Variants in TNXB observed in about 807,000 individuals in gnomAD.
The protein encoded by TNXB is tenascin-X.
A neutral mutation model predicts 340.5 loss-of-function variants in TNXB; 183 were observed. The ratio of observed to expected loss-of-function variants is 0.54; its 90% CI spans 0.48 to 0.61. TNXB has a LOEUF of 0.61. TNXB is among the 20% of genes least tolerant of loss of function. The probability of loss-of-function intolerance (pLI) is 0.00; values close to 1 mark genes in which losing one functional copy is unlikely to be tolerated. For synonymous variants in TNXB, 2,121 were observed against 2,314.5 expected (o/e 0.92, Z 2.40); for missense variants, 4,613 against 5,446.4 (o/e 0.85, Z 4.82).
At position 32,087,935 on chromosome 6, in the gene TNXB, G is replaced by A. The variant is rs1779890224; in HGVS notation, c.2779+850C>T. 1 of 309,724 alleles carries A rather than the reference G, an allele frequency of 3.2e-6. No individual in the cohort carries two copies. Among genetic ancestry groups the A allele is most frequent in the Admixed American group, 4.8e-5 (1 of 20,842 alleles). The allele number at this position is 309,724 out of a possible 1,614,324, so 19.2% of individuals were successfully genotyped here. A position where few individuals can be genotyped will look rare whatever the true frequency, so the allele number is the denominator to read the frequency against. ...CGCGGGGCTGGGGCTGGCCGGGGCC[G>A]GGACTTGGGGGGCGGGGCTGGGGGG... is the stretch of plus-strand genomic sequence containing the variant. On this transcript the variant is annotated intron_variant, in intron 6 of 43. Coordinates refer to ENST00000644971, the MANE Select transcript of TNXB (RefSeq NM_001365276.2). This position sits in a 1 kb window ranked among gnomAD's most constrained non-coding sequence, Gnocchi z 9.0.
chr6:32,084,778 C>T lies in TNXB; in HGVS notation c.3149-69G>A. On this transcript the variant is annotated intron_variant, in intron 7 of 43. Transcript: ENST00000644971. The surrounding 1 kb of genome is among the most constrained non-coding windows in gnomAD (Gnocchi z 5.5). ...TTCTCTTGTCTGTGTCTCCTTCCCT[C>T]TCCCCTGCCCACCTCACTCCATCCT... is the stretch of plus-strand genomic sequence containing the variant. 7.2e-7 allele frequency: 1 copy of T among 1,389,030 alleles called. No individual in the cohort carries two copies. The allele number at this position is 1,389,030 out of a possible 1,614,324, so 86.0% of individuals were successfully genotyped here.
In TNXB at chr6:32,056,579, C is replaced by A. The variant is rs1480784066; in HGVS notation, c.8143+7G>T. On this transcript the variant is annotated splice_region_variant and intron_variant, in intron 23 of 43. Coordinates refer to ENST00000644971, the MANE Select transcript of TNXB (RefSeq NM_001365276.2). ...CTCCCACCCTGGGGCTGCCATCATC[C>A]ACTCACCCGTCACCCCAATGACAGA... 3.1e-6 allele frequency: 5 copies of A among 1,612,386 alleles called. No individual in the cohort carries two copies. In the African/African-American group the frequency reaches 5.3e-5, roughly 17 times the overall value.
In TNXB at chr6:32,079,024, C is replaced by G; in HGVS notation, c.4375+9G>C. Reference sequence around the variant, plus strand: ...AGGGAACCAAAGCAGGCCCCTGCCCCTCACTCACCTGTCACGCCCACGGCG... The same window carrying G: ...AGGGAACCAAAGCAGGCCCCTGCCCGTCACTCACCTGTCACGCCCACGGCG... On this transcript the variant is annotated intron_variant, in intron 11 of 43. Transcript: ENST00000644971. This position sits in a 1 kb window ranked among gnomAD's most constrained non-coding sequence, Gnocchi z 7.1. The G allele has an allele frequency of 6.2e-7, 1 of 1,609,040 alleles. No individual in the cohort carries two copies. The highest frequency in any genetic ancestry group is 8.5e-7 in the Non-Finnish European group (1 of 1,178,000).
chr6:32,060,847 T>C (rs2151906407), intron 21 of TNXB, among the ~76,000 whole-genome samples: 1 of 152,022 alleles, frequency 6.6e-6, no homozygotes, highest in Non-Finnish European at 1.5e-5. Context: ...CCATGTTGGC[T>C]AGACTGGTCT....
In TNXB at chr6:32,061,255, T is replaced by TA; in HGVS notation, c.7492+141dup. Reference sequence around the variant, plus strand: ...AAAGTGAACAAGCAAACCGCTAGCATAGGCCACAGCCACAGGGCACAGAGG... The same window carrying TA: ...AAAGTGAACAAGCAAACCGCTAGCATAAGGCCACAGCCACAGGGCACAGAGG... On this transcript the variant is annotated intron_variant, in intron 21 of 43. Coordinates refer to ENST00000644971, the MANE Select transcript of TNXB (RefSeq NM_001365276.2). The surrounding 1 kb of genome is among the most constrained non-coding windows in gnomAD (Gnocchi z 4.4). 3 of 1,311,296 alleles carry TA rather than the reference T, an allele frequency of 2.3e-6. No individual in the cohort carries two copies. The highest frequency in any genetic ancestry group is 3.1e-6 in the Non-Finnish European group (3 of 965,652). The allele number at this position is 1,311,296 out of a possible 1,614,324, so 81.2% of individuals were successfully genotyped here.
At position 32,061,654 on chromosome 6, in the gene TNXB, G is replaced by C. The variant is rs12524664; in HGVS notation, c.7235C>G (p.Pro2412Arg). Residue 2412 changes from proline to arginine, a missense_variant, in exon 21 of 44, where the codon CCG (proline) becomes CGG (arginine). Physicochemically the swap from Pro to Arg is moderately radical, Grantham distance 103. Around this residue, in one of 7 missense-constraint regions of TNXB, gnomAD observed 4,327 missense variants for 4,859.4 expected, o/e 0.89. Coordinates refer to ENST00000644971, the MANE Select transcript of TNXB (RefSeq NM_001365276.2). This position sits in a 1 kb window ranked among gnomAD's most constrained non-coding sequence, Gnocchi z 4.4. ...TGTCACTGTTAGCTCCCCCAGGAGC[G>C]GCTCCTCAGGGGGCTCCGGGGCCTC... is the stretch of plus-strand genomic sequence containing the variant. ...SMEAPEPPEE[P>R]LLGELTVTGS... 1 of 1,612,584 alleles carries C rather than the reference G, an allele frequency of 6.2e-7. No homozygotes were observed. The highest frequency in any genetic ancestry group is 8.5e-7 in the Non-Finnish European group (1 of 1,179,826).
chr6:32,081,808 C>A lies in TNXB; in HGVS notation c.3737-135G>T. On this transcript the variant is annotated intron_variant, in intron 9 of 43. Transcript: ENST00000644971. This position sits in a 1 kb window ranked among gnomAD's most constrained non-coding sequence, Gnocchi z 5.1. Reference sequence around the variant, plus strand: ...ATTCGAGTGCTAAACTTCTGGGAAGCCTGACACAGCCAGGGTATGACACAC... The same window carrying A: ...ATTCGAGTGCTAAACTTCTGGGAAGACTGACACAGCCAGGGTATGACACAC... 1 of 698,462 alleles carries A rather than the reference C, an allele frequency of 1.4e-6. No individual in the cohort carries two copies. Among genetic ancestry groups the A allele is most frequent in the South Asian group, 1.9e-5 (1 of 51,668 alleles). The allele number at this position is 698,462 out of a possible 1,614,324, so 43.3% of individuals were successfully genotyped here. A position where few individuals can be genotyped will look rare whatever the true frequency, so the allele number is the denominator to read the frequency against.
Position 32,046,430 on chromosome 6 carries a change from G to A in TNXB, c.10351C>T (p.His3451Tyr). 1 of 1,576,474 alleles carries A rather than the reference G, an allele frequency of 6.3e-7. No individual in the cohort carries two copies. The highest frequency in any genetic ancestry group is 1.1e-5 in the South Asian group (1 of 88,480). Reference sequence around the variant, plus strand: ...TCAGCCACGGTCAGTTCCCCCAGGTGGGGAGGTAGCTCCTTCTCCAGGGGA... The same window carrying A: ...TCAGCCACGGTCAGTTCCCCCAGGTAGGGAGGTAGCTCCTTCTCCAGGGGA... ...TAPLEKELPP[H>Y]LGELTVAEET... The change falls in exon 31 of 44, where the codon CAC (histidine) becomes TAC (tyrosine). Residue 3451 changes from histidine (H) to tyrosine (Y), a missense_variant. His to Tyr is a moderately conservative substitution (Grantham distance 83). Around this residue, in one of 7 missense-constraint regions of TNXB, gnomAD observed 4,327 missense variants for 4,859.4 expected, o/e 0.89. Coordinates refer to ENST00000644971, the MANE Select transcript of TNXB (RefSeq NM_001365276.2). The surrounding 1 kb of genome is among the most constrained non-coding windows in gnomAD (Gnocchi z 6.9).
At chr6:32,076,614 A>T (rs1779094831) in intron 11 of TNXB, among the ~76,000 whole-genome samples, 1 of 152,240 alleles carries the variant, frequency 6.6e-6, no homozygotes, top group African/African-American at 2.4e-5. Flanking sequence ...AACCGTGACA[A>T]CAAGCTGGGC....
chr6:32,047,688 G>C lies in TNXB; in HGVS notation c.10324+46C>G. On this transcript the variant is annotated intron_variant, in intron 30 of 43. Coordinates refer to ENST00000644971, the MANE Select transcript of TNXB (RefSeq NM_001365276.2). The surrounding 1 kb of genome is among the most constrained non-coding windows in gnomAD (Gnocchi z 6.2). ...CTGCAGGGCCAGCTCTGAGGGCTCG[G>C]ATGAGAGGCAGCTCTGGAAAAGGTG... 6.5e-7 allele frequency: 1 copy of C among 1,539,924 alleles called. No homozygotes were observed. Among genetic ancestry groups the C allele is most frequent in the Non-Finnish European group, 8.8e-7 (1 of 1,142,698 alleles).
intron 1 of TNXB, among the ~76,000 whole-genome samples, chr6:32,099,424 G>A (rs1310391059): frequency 1.3e-5 from 2 of 152,064 alleles, no homozygotes; most frequent in African/African-American, 4.8e-5. Flanking sequence ...GTAGAAATGA[G>A]GTTTCACCAT....
rs537877309 is a variant in TNXB at position 32,049,683 on chromosome 6, G to A, written c.9440-96C>T. The A allele has an allele frequency of 1.5e-5, 21 of 1,401,982 alleles. No individual in the cohort carries two copies. The South Asian group carries it at 2.7e-4, about 18-fold the overall frequency. The allele number at this position is 1,401,982 out of a possible 1,614,324, so 86.8% of individuals were successfully genotyped here. On this transcript the variant is annotated intron_variant, in intron 27 of 43. Transcript: ENST00000644971. This position sits in a 1 kb window ranked among gnomAD's most constrained non-coding sequence, Gnocchi z 4.5. ...CAAGGCTATGACTGGGGGACCTGAG[G>A]TCATTTCAGAGAAGTCCATTCTTGG...
intron 4 of TNXB, among the ~76,000 whole-genome samples, chr6:32,094,344 T>C (rs1425042831): frequency 2.6e-5 from 4 of 152,090 alleles, no homozygotes; most frequent in Non-Finnish European, 5.9e-5. Flanking sequence ...TCCTTCCATC[T>C]TTTTTCCCTG....
Position 32,085,613 on chromosome 6 carries a change from T to G in TNXB, c.3148+137A>C. ...GAACCTGCAATTCCTTTTCTCTCCT[T>G]TTCTCCTCTATCCAGCCCCAAACAT... On this transcript the variant is annotated intron_variant, in intron 7 of 43. Coordinates refer to ENST00000644971, the MANE Select transcript of TNXB (RefSeq NM_001365276.2). The surrounding 1 kb of genome is among the most constrained non-coding windows in gnomAD (Gnocchi z 6.4). 9.8e-7 allele frequency: 1 copy of G among 1,022,454 alleles called. No individual in the cohort carries two copies. Among genetic ancestry groups the G allele is most frequent in the Non-Finnish European group, 1.3e-6 (1 of 758,752 alleles). The allele number at this position is 1,022,454 out of a possible 1,614,324, so 63.3% of individuals were successfully genotyped here. A position where few individuals can be genotyped will look rare whatever the true frequency, so the allele number is the denominator to read the frequency against.
Position 32,056,823 on chromosome 6 carries a change from T to C in TNXB, c.7906A>G (p.Met2636Val), listed in dbSNP as rs369180703. Residue 2636 changes from methionine (M) to valine (V), a missense_variant, in exon 23 of 44, where the codon ATG becomes GTG. Met to Val is a conservative substitution (Grantham distance 21). Around this residue, in one of 7 missense-constraint regions of TNXB, gnomAD observed 4,327 missense variants for 4,859.4 expected, o/e 0.89. Coordinates refer to ENST00000644971, the MANE Select transcript of TNXB (RefSeq NM_001365276.2). Reference protein sequence around the residue: ...PIKPRLGELTMTDATPDSLSL... With the variant: ...PIKPRLGELTVTDATPDSLSL... Reference sequence around the variant, plus strand: ...AGGGAGTCAGGGGTGGCATCTGTCATGGTCAGCTCCCCCAGGCGAGGCTTG... The same window carrying C: ...AGGGAGTCAGGGGTGGCATCTGTCACGGTCAGCTCCCCCAGGCGAGGCTTG... The C allele has an allele frequency of 3.6e-4, 579 of 1,612,930 alleles. 41 individuals are homozygous for C. The highest frequency in any genetic ancestry group is 1.9e-3 in the East Asian group (86 of 44,846).
At chr6:32,107,582 TG>T (rs1451921774) in intron 1 of TNXB, among the ~76,000 whole-genome samples, 1 of 152,140 alleles carries the variant, frequency 6.6e-6, no homozygotes, top group Non-Finnish European at 1.5e-5. Flanking sequence ...GAGAGAGATA[TG>T]GCCTCACCCT....
chr6:32,097,429 G>C lies in TNXB; in HGVS notation c.424C>G (p.Leu142Val), dbSNP rs758908709. 6.3e-7 allele frequency: 1 copy of C among 1,599,692 alleles called. No individual in the cohort carries two copies. The highest frequency in any genetic ancestry group is 8.5e-7 in the Non-Finnish European group (1 of 1,174,932). ...TCAAACACACCATGGAGACTGCAGAGGGTCCGCACATCTGTCTGACCTGGA... is the reference window on the plus strand; with the variant it reads ...TCAAACACACCATGGAGACTGCAGACGGTCCGCACATCTGTCTGACCTGGA... Reference protein sequence around the residue: ...AGTGQTDVRTLCSLHGVFDLS... With the variant: ...AGTGQTDVRTVCSLHGVFDLS... Residue 142 changes from leucine to valine, a missense_variant, in exon 3 of 44, where the codon CTC becomes GTC. Transcript: ENST00000644971. This position sits in a 1 kb window ranked among gnomAD's most constrained non-coding sequence, Gnocchi z 5.9.
chr6:32,047,775 C>A lies in TNXB; in HGVS notation c.10283G>T (p.Gly3428Val), dbSNP rs1271973592. Residue 3428 changes from glycine to valine, a missense_variant, in exon 30 of 44, where the codon GGC (glycine) becomes GTC (valine). By Grantham distance (109) the Gly-to-Val change is moderately radical. Around this residue, in one of 7 missense-constraint regions of TNXB, gnomAD observed 4,327 missense variants for 4,859.4 expected, o/e 0.89. Transcript: ENST00000644971. The surrounding 1 kb of genome is among the most constrained non-coding windows in gnomAD (Gnocchi z 6.2). ...AGAGATGGGGCCCAGTCGTTTCCTG[C>A]CTGACAGACCATAGAGCAGGAACCT... Reference protein sequence around the residue: ...KYRFLLYGLSGRKRLGPISAD... With the variant: ...KYRFLLYGLSVRKRLGPISAD... The A allele has an allele frequency of 6.2e-7, 1 of 1,606,950 alleles. No homozygotes were observed. Among genetic ancestry groups the A allele is most frequent in the Admixed American group, 1.7e-5 (1 of 59,964 alleles).
Position 32,050,065 on chromosome 6 carries a change from G to A in TNXB, c.9372C>T (p.Tyr3124=). ...TISGLEPDHK[Y]KMNLYGFHGG... is the part of the protein sequence containing the mutation. Reference sequence around the variant, plus strand: ...CGTGGAAGCCGTACAGGTTCATCTTGTATTTATGGTCTGGCTCCAGGCCTG... The same window carrying A: ...CGTGGAAGCCGTACAGGTTCATCTTATATTTATGGTCTGGCTCCAGGCCTG... The change falls in exon 27 of 44, where the codon TAC becomes TAT. Residue 3124 remains tyrosine, a synonymous_variant. Transcript: ENST00000644971. The A allele has an allele frequency of 6.2e-7, 1 of 1,613,804 alleles. No homozygotes were observed. Among genetic ancestry groups the A allele is most frequent in the Non-Finnish European group, 8.5e-7 (1 of 1,179,890 alleles).
Sources: gnomAD v4.1 joint callset for allele counts (sites outside exome capture counted in the v4.1 genomes callset) on GRCh38, gnomAD v4.1.1 for gene constraint, gnomAD v4.1.1 regional missense constraint, Gnocchi (gnomAD v3.1) non-coding constraint, MANE v1.5 for transcripts, NCBI Gene and HGNC (gene_info 2026-07-23, HGNC 2026-07-21) for gene names.